Variants in CX3CL1 observed in about 807,000 individuals in gnomAD.
CX3CL1 encodes the protein fractalkine.
CX3CL1 carries 1 observed loss-of-function variant against 14.1 expected under a neutral mutation model. That is an observed-to-expected ratio of 0.07 (90% CI 0.03 to 0.34). The LOEUF (loss-of-function observed/expected upper bound fraction) is 0.34. Among genes scored for constraint, CX3CL1 ranks in the 10% least tolerant of loss-of-function variants. The probability of loss-of-function intolerance (pLI) is 0.99; values close to 1 mark genes in which losing one functional copy is unlikely to be tolerated. For synonymous variants in CX3CL1, 255 were observed against 229.6 expected, an observed-to-expected ratio of 1.11 and a Z score of -1.00; for missense variants, 505 against 536.4, an observed-to-expected ratio of 0.94 and a Z score of 0.58.
chr16:57,379,301 G>A (rs1902287095), intron 1 of CX3CL1: 1 of 356,272 alleles, frequency 2.8e-6, no homozygotes, highest in Non-Finnish European at 5.0e-6. Context: ...ACTCCAGCCT[G>A]GGCAACAAGA....
At position 57,383,578 on chromosome 16, in the gene CX3CL1, G is replaced by A. The variant is rs1215457241; in HGVS notation, c.*546G>A. On this transcript the variant is annotated 3_prime_UTR_variant, in exon 3 of 3. Coordinates refer to ENST00000006053, the MANE Select transcript of CX3CL1 (RefSeq NM_002996.6). ...TTTTCTTGCATGAGGCTAGTGTGGT[G>A]TTTCCTGGCACTGCTTCCAGTGAGG... The A allele has an allele frequency of 6.5e-6, 1 of 153,066 alleles. No individual in the cohort carries two copies. Among genetic ancestry groups the A allele is most frequent in the Non-Finnish European group, 1.5e-5 (1 of 68,362 alleles). The allele number at this position is 153,066 out of a possible 1,614,324, so 9.5% of individuals were successfully genotyped here.
chr16:57,381,874 C>G (rs1597998895), intron 2 of CX3CL1, among the ~76,000 whole-genome samples, 156 bp from the exon 3 acceptor site: 1 of 152,224 alleles, frequency 6.6e-6, no homozygotes, highest in Middle Eastern at 3.4e-3. Context: ...GCGGGTTGCC[C>G]CAGCTGGTCA....
rs1902369571 is a variant in CX3CL1, at chr16:57,383,702, A to C, written c.*670A>C. 1 of 152,718 alleles carries C rather than the reference A, an allele frequency of 6.5e-6. No individual in the cohort carries two copies. Among genetic ancestry groups the C allele is most frequent in the Admixed American group, 6.5e-5 (1 of 15,274 alleles). 9.5% of individuals were successfully genotyped at this position (152,718 alleles called of 1,614,324 possible). The stretch of plus-strand genomic sequence containing the variant: ...TGCTGAGTCTGAAGGCTGGGTTCTG[A>C]TCCTAGTTCCACCATCAAGCCACCA... On this transcript the variant is annotated 3_prime_UTR_variant, in exon 3 of 3. Transcript: ENST00000006053.
In CX3CL1 at chr16:57,382,725, C is replaced by A; in HGVS notation, c.887C>A (p.Thr296Asn). The A allele has an allele frequency of 1.2e-6, 2 of 1,612,884 alleles. No individual in the cohort carries two copies. Among genetic ancestry groups the A allele is most frequent in the Non-Finnish European group, 1.7e-6 (2 of 1,179,612 alleles). Residue 296 changes from threonine (T) to asparagine (N), a missense_variant, in exon 3 of 3, where the codon ACC becomes AAC. Coordinates refer to ENST00000006053, the MANE Select transcript of CX3CL1 (RefSeq NM_002996.6). The surrounding 1 kb of genome is among the most constrained non-coding windows in gnomAD (Gnocchi z 6.9). ...VSVVPVSSEG[T>N]PSREPVASGS... is the part of the protein sequence containing the mutation. ...GTGGTCCCTGTCTCCTCAGAAGGGACCCCCAGCAGGGAGCCAGTGGCTTCA... is the reference window on the plus strand; with the variant it reads ...GTGGTCCCTGTCTCCTCAGAAGGGAACCCCAGCAGGGAGCCAGTGGCTTCA...
At position 57,379,615 on chromosome 16, in the gene CX3CL1, G is replaced by C; in HGVS notation, c.71-19G>C. ...TGCCCACAGACATCCCTGCTGACCA[G>C]GAACCTCTTTGAACTCAGGACAGCA... On this transcript the variant is annotated intron_variant, in intron 1 of 2. Coordinates refer to ENST00000006053, the MANE Select transcript of CX3CL1 (RefSeq NM_002996.6). 6.2e-7 allele frequency: 1 copy of C among 1,614,134 alleles called. No homozygotes were observed. Among genetic ancestry groups the C allele is most frequent in the Non-Finnish European group, 8.5e-7 (1 of 1,180,024 alleles).
Position 57,384,057 on chromosome 16 carries a change from G to A in CX3CL1, c.*1025G>A, listed in dbSNP as rs1902377707. The A allele has an allele frequency of 6.6e-6, 1 of 152,302 alleles. No individual in the cohort carries two copies. The highest frequency in any genetic ancestry group is 2.1e-4 in the South Asian group (1 of 4,828). 9.4% of individuals were successfully genotyped at this position (152,302 alleles called of 1,614,324 possible). ...CTGCCTCCCATCACCCGCTAAGAGG[G>A]AGGGAGGGCTCCAGACACATGTCCA... is the stretch of plus-strand genomic sequence containing the variant. On this transcript the variant is annotated 3_prime_UTR_variant, in exon 3 of 3. Coordinates refer to ENST00000006053, the MANE Select transcript of CX3CL1 (RefSeq NM_002996.6).
chr16:57,382,079 T>C lies in CX3CL1; in HGVS notation c.241T>C (p.Trp81Arg). 6.2e-7 allele frequency: 1 copy of C among 1,610,824 alleles called. No homozygotes were observed. The highest frequency in any genetic ancestry group is 8.5e-7 in the Non-Finnish European group (1 of 1,177,638). Residue 81 changes from tryptophan (W) to arginine (R), a missense_variant, in exon 3 of 3, where the codon TGG becomes CGG. Transcript: ENST00000006053. The surrounding 1 kb of genome is among the most constrained non-coding windows in gnomAD (Gnocchi z 6.9). Reference protein sequence around the residue: ...RLFCADPKEQWVKDAMQHLDR... With the variant: ...RLFCADPKEQRVKDAMQHLDR... Reference sequence around the variant, plus strand: ...GTTCTGTGCCGACCCGAAGGAGCAATGGGTCAAGGACGCGATGCAGCATCT... The same window carrying C: ...GTTCTGTGCCGACCCGAAGGAGCAACGGGTCAAGGACGCGATGCAGCATCT...
At chr16:57,375,705 C>T (rs1040353240) in intron 1 of CX3CL1, among the ~76,000 whole-genome samples, 1 of 152,216 alleles carries the variant, frequency 6.6e-6, no homozygotes, top group Non-Finnish European at 1.5e-5. Context: ...TCACCTCATC[C>T]AGCAACCCAG....
Position 57,382,390 on chromosome 16 carries a change from G to T in CX3CL1, c.552G>T (p.Glu184Asp). The change falls in exon 3 of 3, where the codon GAG becomes GAT. Residue 184 changes from glutamate (E) to aspartate (D), a missense_variant. Glu to Asp is a conservative substitution (Grantham distance 45). Transcript: ENST00000006053. This position sits in a 1 kb window ranked among gnomAD's most constrained non-coding sequence, Gnocchi z 6.9. ...AGGATGGAGGGCCTGTGGGCACGGA[G>T]CTTTTCCGAGTGCCTCCCGTCTCCA... ...KAQDGGPVGT[E>D]LFRVPPVSTA... 1 of 1,611,848 alleles carries T rather than the reference G, an allele frequency of 6.2e-7. No individual in the cohort carries two copies.
chr16:57,383,006 A>G lies in CX3CL1; in HGVS notation c.1168A>G (p.Asn390Asp). The change falls in exon 3 of 3, where the codon AAT (asparagine) becomes GAT (aspartate). Residue 390 changes from asparagine to aspartate, a missense_variant. Asn to Asp is a conservative substitution (Grantham distance 23, BLOSUM62 1). Transcript: ENST00000006053. Reference sequence around the variant, plus strand: ...CTACATCCCCCGGAGCTGTGGTAGTAATTCATATGTCCTGGTGCCCGTGTG... The same window carrying G: ...CTACATCCCCCGGAGCTGTGGTAGTGATTCATATGTCCTGGTGCCCGTGTG... Reference protein sequence around the residue: ...LRYIPRSCGSNSYVLVPV With the variant: ...LRYIPRSCGSDSYVLVPV The G allele has an allele frequency of 6.7e-7, 1 of 1,495,444 alleles. No individual in the cohort carries two copies. Among genetic ancestry groups the G allele is most frequent in the Non-Finnish European group, 8.9e-7 (1 of 1,119,214 alleles). The allele number at this position is 1,495,444 out of a possible 1,614,324, so 92.6% of individuals were successfully genotyped here.
chr16:57,373,341 G>A (rs1902204942), intron 1 of CX3CL1, among the ~76,000 whole-genome samples: 1 of 152,202 alleles, frequency 6.6e-6, no homozygotes, highest in African/African-American at 2.4e-5. Flanking sequence ...TGGATAAGAT[G>A]GAGGCCCAGA....
At position 57,382,854 on chromosome 16, in the gene CX3CL1, GGAGGCAGGC is replaced by G; in HGVS notation, c.1018_1026del (p.Arg340_Ala342del). On this transcript the variant is annotated inframe_deletion, in exon 3 of 3. Transcript: ENST00000006053. The surrounding 1 kb of genome is among the most constrained non-coding windows in gnomAD (Gnocchi z 6.9). ...GTCCCTGACGCCCAGGCTGCCACCC[GGAGGCAGGC>G]GGTGGGGCTGCTGGCCTTCCTTGGC... is the stretch of plus-strand genomic sequence containing the variant. 1 of 1,557,438 alleles carries G rather than the reference GGAGGCAGGC, an allele frequency of 6.4e-7. No individual in the cohort carries two copies. Among genetic ancestry groups the G allele is most frequent in the Non-Finnish European group, 8.7e-7 (1 of 1,147,690 alleles).
At chr16:57,374,202 G>A (rs538068635) in intron 1 of CX3CL1, among the ~76,000 whole-genome samples, 1 of 152,256 alleles carries the variant, frequency 6.6e-6, no homozygotes, top group East Asian at 1.9e-4. Context: ...GCCCTCGGGA[G>A]CCCCTGTAGG....
Position 57,382,292 on chromosome 16 carries a change from G to A in CX3CL1, c.454G>A (p.Gly152Arg). The A allele has an allele frequency of 6.2e-7, 1 of 1,607,060 alleles. No individual in the cohort carries two copies. The highest frequency in any genetic ancestry group is 1.1e-5 in the South Asian group (1 of 90,764). ...TTCCCAGGAAGCACAGAGGGCCCTG[G>A]GGACCTCCCCAGAGCTGCCGACGGG... The part of the protein sequence containing the change: ...PSSQEAQRAL[G>R]TSPELPTGVT... Residue 152 changes from glycine (G) to arginine (R), a missense_variant, in exon 3 of 3, where the codon GGG becomes AGG. By Grantham distance (125) the Gly-to-Arg change is moderately radical (BLOSUM62 -2). Transcript: ENST00000006053. The surrounding 1 kb of genome is among the most constrained non-coding windows in gnomAD (Gnocchi z 6.9).
Position 57,380,562 on chromosome 16 carries a change from A to G in CX3CL1, c.191+808A>G, listed in dbSNP as rs182753757. ...AACATTGTGAGACTCCATCTCAAAA[A>G]AAAGAAAAAGACAAAGAAAAGTAAA... On this transcript the variant is annotated intron_variant, in intron 2 of 2. Coordinates refer to ENST00000006053, the MANE Select transcript of CX3CL1 (RefSeq NM_002996.6). 7.2e-4 allele frequency among the ~76,000 whole-genome samples: 109 copies of G among 152,322 alleles called. 1 individual carries two copies. The highest frequency in any genetic ancestry group is 6.8e-3 in the Middle Eastern group (2 of 294).
At chr16:57,380,616 G>A (rs1902305862) in intron 2 of CX3CL1, among the ~76,000 whole-genome samples, 1 of 151,138 alleles carries the variant, frequency 6.6e-6, no homozygotes. Flanking sequence ...GCTGTCAGTA[G>A]GAGCTGCAGA....
At chr16:57,381,536 T>C (rs1902319393) in intron 2 of CX3CL1, among the ~76,000 whole-genome samples, 1 of 151,894 alleles carries the variant, frequency 6.6e-6, no homozygotes, top group African/African-American at 2.4e-5. Flanking sequence ...CATACAGAGC[T>C]CACCTGAAGT....
At chr16:57,375,704 C>T (rs1252072598) in intron 1 of CX3CL1, among the ~76,000 whole-genome samples, 1 of 152,198 alleles carries the variant, frequency 6.6e-6, no homozygotes, top group African/African-American at 2.4e-5. Flanking sequence ...ATCACCTCAT[C>T]CAGCAACCCA....
Position 57,383,019 on chromosome 16 carries a change from T to C in CX3CL1, c.1181T>C (p.Leu394Pro), listed in dbSNP as rs1405037346. ...AGCTGTGGTAGTAATTCATATGTCC[T>C]GGTGCCCGTGTGAACTCCTCTGGCC... ...PRSCGSNSYV[L>P]VPV The change falls in exon 3 of 3, where the codon CTG (leucine) becomes CCG (proline). Residue 394 changes from leucine (L) to proline (P), a missense_variant. Coordinates refer to ENST00000006053, the MANE Select transcript of CX3CL1 (RefSeq NM_002996.6). The C allele has an allele frequency of 9.4e-6, 14 of 1,489,814 alleles. No individual in the cohort carries two copies. Among genetic ancestry groups the C allele is most frequent in the Non-Finnish European group, 1.3e-5 (14 of 1,116,240 alleles). 92.3% of individuals were successfully genotyped at this position (1,489,814 alleles called of 1,614,324 possible).
Sources: gnomAD v4.1 joint callset for allele counts (sites outside exome capture counted in the v4.1 genomes callset) on GRCh38, gnomAD v4.1.1 for gene constraint, Gnocchi (gnomAD v3.1) non-coding constraint, MANE v1.5 for transcripts, NCBI Gene and HGNC (gene_info 2026-07-23, HGNC 2026-07-21) for gene names.